Variants in DMD observed in about 807,000 individuals in gnomAD.
DMD encodes dystrophin.
In DMD, 63 loss-of-function variants were observed where a neutral mutation model predicts 330.1. That is an observed-to-expected ratio of 0.19 (90% CI 0.16 to 0.24). The LOEUF is 0.24. Ranked by LOEUF, DMD falls within the 10% of genes least tolerant of loss-of-function variation. The probability of loss-of-function intolerance (pLI) is 1.00; values close to 1 mark genes in which losing one functional copy is unlikely to be tolerated. For missense variants in DMD, 3,344 were observed against 2,684.1 expected (o/e 1.25, Z -5.43); for synonymous variants, 1,223 against 959.8 (o/e 1.27, Z -5.07).
At chrX:33,071,726 T>G in intron 1 of DMD, among the ~76,000 whole-genome samples, 1 of 111,724 alleles carries the variant, frequency 9.0e-6, no homozygotes, top group East Asian at 2.8e-4. Flanking sequence ...CAGTTTTACT[T>G]ACGCCATTAA....
At chrX:31,692,737 C>A (rs1440502401) in intron 52 of DMD, among the ~76,000 whole-genome samples, 1 of 111,253 alleles carries the variant, frequency 9.0e-6, no homozygotes, top group Non-Finnish European at 1.9e-5. Context: ...TCTGAAAAGA[C>A]CAGTAACAGC....
intron 23 of DMD, among the ~76,000 whole-genome samples, chrX:32,465,458 T>G (rs1445139634): frequency 9.0e-6 from 1 of 111,343 alleles, no homozygotes; most frequent in Non-Finnish European, 1.9e-5. Context: ...ATAATAATTT[T>G]TAAACTATTT....
At chrX:31,770,506 C>T (rs941301427) in intron 51 of DMD, among the ~76,000 whole-genome samples, 3 of 112,054 alleles carry the variant, frequency 2.7e-5, no homozygotes, top group Admixed American at 9.5e-5. Context: ...TTGCCCTTCT[C>T]GTTTTATCTA....
Position 33,115,573 on chromosome X carries a change from G to A in DMD, c.32-95373C>T, listed in dbSNP as rs769261295. ...GTGGCCCAGGCTGGAGCTCAGTGGC[G>A]TGGTCTCGGCTCACTGCAAGCTCCG... On this transcript the variant is annotated intron_variant, in intron 1 of 78. Transcript: ENST00000357033. 2.8e-3 allele frequency among the ~76,000 whole-genome samples: 305 copies of A among 107,648 alleles called. 2 individuals are homozygous for A. Among genetic ancestry groups the A allele is most frequent in the African/African-American group, 8.9e-3 (262 of 29,442 alleles). The allele number at this position is 107,648 out of a possible 115,157, so 93.5% of individuals were successfully genotyped here.
At chrX:33,074,333 G>A (rs1015784564) in intron 1 of DMD, among the ~76,000 whole-genome samples, 2 of 111,499 alleles carry the variant, frequency 1.8e-5, no homozygotes, top group African/African-American at 6.5e-5. Flanking sequence ...TAATTCTGAG[G>A]GCTGCCTGAT....
chrX:31,417,804 C>T (rs1392729150), intron 60 of DMD, among the ~76,000 whole-genome samples: 1 of 107,560 alleles, frequency 9.3e-6, no homozygotes, highest in African/African-American at 3.4e-5. Context: ...TCTCCTGCCT[C>T]AGCCTCCTGA....
At position 32,614,402 on chromosome X, in the gene DMD, A is replaced by G. The variant is rs373729675; in HGVS notation, c.1383T>C (p.Asn461=). 13 of 1,205,323 alleles carry G rather than the reference A, an allele frequency of 1.1e-5. No individual in the cohort carries two copies. In the African/African-American group the frequency reaches 2.1e-4, roughly 20 times the overall value. The part of the protein sequence containing the change: ...DLQNQKLKEL[N]DWLTKTEERT... Reference sequence around the variant, plus strand: ...TTTCTTCTGTTTTTGTTAGCCAGTCATTCAACTCTTTCAGTTTCTGATTCT... The same window carrying G: ...TTTCTTCTGTTTTTGTTAGCCAGTCGTTCAACTCTTTCAGTTTCTGATTCT... The change falls in exon 12 of 79, where the codon AAT becomes AAC. Residue 461 remains asparagine (N), a synonymous_variant. Transcript: ENST00000357033.
At chrX:32,595,544 G>C (rs2055421708) in intron 13 of DMD, among the ~76,000 whole-genome samples, 1 of 111,494 alleles carries the variant, frequency 9.0e-6, no homozygotes, top group Non-Finnish European at 1.9e-5. Context: ...TAAAGTATTA[G>C]ATTTTACCCA....
intron 11 of DMD, among the ~76,000 whole-genome samples, chrX:32,643,472 T>C (rs916846171): frequency 4.5e-5 from 5 of 111,146 alleles, no homozygotes; most frequent in Non-Finnish European, 7.6e-5. Context: ...AATAAATCTA[T>C]CTTGTCTTGA....
intron 7 of DMD, among the ~76,000 whole-genome samples, chrX:32,788,728 G>T (rs1488242230): frequency 8.9e-6 from 1 of 112,018 alleles, no homozygotes; most frequent in Non-Finnish European, 1.9e-5. Context: ...TAATATCAGA[G>T]ATCATAAAAT....
intron 1 of DMD, among the ~76,000 whole-genome samples, chrX:33,260,697 GATTA>G (rs1322026563): frequency 9.0e-6 from 1 of 111,263 alleles, no homozygotes; most frequent in Non-Finnish European, 1.9e-5. Flanking sequence ...AGTGAAATGG[GATTA>G]ATTTACTATT....
At chrX:32,340,459 G>C (rs1307768544) in intron 41 of DMD, among the ~76,000 whole-genome samples, 1 of 111,354 alleles carries the variant, frequency 9.0e-6, no homozygotes, top group Non-Finnish European at 1.9e-5. Flanking sequence ...TATTTGTTGA[G>C]AGCCTACTAT....
chrX:31,657,473 C>T (rs889571102), intron 54 of DMD, among the ~76,000 whole-genome samples: 1 of 111,707 alleles, frequency 9.0e-6, no homozygotes, highest in Non-Finnish European at 1.9e-5. Context: ...TGAGGAGATA[C>T]TGTCTATAAG....
chrX:33,279,476 T>C (rs1315528592), intron 1 of DMD, among the ~76,000 whole-genome samples: 7 of 110,255 alleles, frequency 6.3e-5, no homozygotes, highest in African/African-American at 2.3e-4. Flanking sequence ...CAATTACATA[T>C]CAAGGGACTT....
chrX:31,266,904 A>C, intron 62 of DMD: 1 of 1,176,994 alleles, frequency 8.5e-7, no homozygotes, highest in Non-Finnish European at 1.1e-6. Flanking sequence ...GGCTCCCCGA[A>C]AGTGGAGCGC....
chrX:32,713,274 C>A (rs969939236), intron 7 of DMD, among the ~76,000 whole-genome samples: 15 of 111,704 alleles, frequency 1.3e-4, no homozygotes, highest in African/African-American at 4.9e-4. Context: ...AACATAAACA[C>A]CCTTTCTTCT....
chrX:33,176,559 A>AGTGTGTGTGTGTGT lies in DMD; in HGVS notation c.31+34709_31+34722dup, dbSNP rs67497965. 2.8e-4 allele frequency among the ~76,000 whole-genome samples: 29 copies of AGTGTGTGTGTGTGT among 102,786 alleles called. No homozygotes were observed. The South Asian group carries it at 3.1e-3, about 11-fold the overall frequency. The allele number at this position is 102,786 out of a possible 115,157, so 89.3% of individuals were successfully genotyped here. ...GCAGCCACGAAAAAGCAAGCACAGA[A>AGTGTGTGTGTGTGT]GTGTGTGTGTGTGTGTGTGTGTGTG... On this transcript the variant is annotated intron_variant, in intron 1 of 78. Coordinates refer to ENST00000357033, the MANE Select transcript of DMD (RefSeq NM_004006.3).
At chrX:32,145,401 T>C (rs1248832711) in intron 44 of DMD, among the ~76,000 whole-genome samples, 1 of 112,025 alleles carries the variant, frequency 8.9e-6, no homozygotes, top group Non-Finnish European at 1.9e-5. Context: ...TTTAGTGCAT[T>C]TGAAGTCTCT....
At chrX:31,709,431 T>C (rs1256277023) in intron 52 of DMD, among the ~76,000 whole-genome samples, 1 of 111,912 alleles carries the variant, frequency 8.9e-6, no homozygotes. Flanking sequence ...TATATGGCAA[T>C]AATGCTTGTT....
Sources: allele counts gnomAD v4.1 joint callset (sites outside exome capture counted in the v4.1 genomes callset), GRCh38; gene constraint gnomAD v4.1.1; transcripts MANE v1.5; gene names NCBI Gene and HGNC (gene_info 2026-07-23, HGNC 2026-07-21).